Variants in AGBL4 observed in about 807,000 individuals in gnomAD.
AGBL4 encodes the protein cytosolic carboxypeptidase 6.
In AGBL4, 58 loss-of-function variants were observed where a neutral mutation model predicts 66.4. The ratio of observed to expected loss-of-function variants is 0.87; its 90% CI spans 0.71 to 1.09. AGBL4 has a LOEUF of 1.09. Among genes scored for constraint, AGBL4 ranks in the 50% least tolerant of loss-of-function variants. The pLI is 0.00. For missense variants in AGBL4, 579 were observed against 631.0 expected, an observed-to-expected ratio of 0.92 and a Z score of 0.88; for synonymous variants, 234 against 222.9, an observed-to-expected ratio of 1.05 and a Z score of -0.44.
chr1:49,792,804 A>G (rs1228782277), intron 2 of AGBL4, among the ~76,000 whole-genome samples: 1 of 152,050 alleles, frequency 6.6e-6, no homozygotes, highest in African/African-American at 2.4e-5. Context: ...TAAGAGGAAT[A>G]TAGTAGAAAT....
intron 5 of AGBL4, among the ~76,000 whole-genome samples, chr1:48,930,651 G>A (rs1266730326): frequency 6.6e-6 from 1 of 152,190 alleles, no homozygotes; most frequent in Non-Finnish European, 1.5e-5. Context: ...AGGATAAGGA[G>A]TTAGATGAGT....
At chr1:49,756,875 C>T (rs1446925626) in intron 2 of AGBL4, among the ~76,000 whole-genome samples, 1 of 152,092 alleles carries the variant, frequency 6.6e-6, no homozygotes, top group East Asian at 1.9e-4. Flanking sequence ...TTATAAATTA[C>T]CCAGTCTTGG....
intron 1 of AGBL4, among the ~76,000 whole-genome samples, chr1:49,923,706 GA>G (rs1219437323): frequency 2.6e-5 from 4 of 151,694 alleles, no homozygotes; most frequent in South Asian, 2.1e-4. Context: ...ACAATTATAT[GA>G]AAAAAAAGCT....
chr1:49,738,500 G>A (rs1314163946), intron 2 of AGBL4, among the ~76,000 whole-genome samples: 1 of 152,194 alleles, frequency 6.6e-6, no homozygotes, highest in Non-Finnish European at 1.5e-5. Flanking sequence ...CCAAACAAAA[G>A]GCAGCAGAAA....
At chr1:49,978,327 C>T (rs1166783288) in intron 1 of AGBL4, among the ~76,000 whole-genome samples, 3 of 152,042 alleles carry the variant, frequency 2.0e-5, no homozygotes, top group Admixed American at 2.0e-4. Flanking sequence ...ACTTGTAGTC[C>T]CAGCTACTTA....
intron 1 of AGBL4, among the ~76,000 whole-genome samples, chr1:49,874,120 G>A (rs1292015735): frequency 6.6e-6 from 1 of 151,782 alleles, no homozygotes; most frequent in Non-Finnish European, 1.5e-5. Context: ...TGAAAATAAT[G>A]TTTTTACTAC....
intron 3 of AGBL4, among the ~76,000 whole-genome samples, chr1:49,655,284 T>C (rs1167024160): frequency 6.6e-6 from 1 of 152,210 alleles, no homozygotes; most frequent in African/African-American, 2.4e-5. Flanking sequence ...TTCTGGCTTG[T>C]AGAGTTTCTG....
chr1:49,677,345 T>G lies in AGBL4; in HGVS notation c.282+19968A>C, dbSNP rs527826473. Among the ~76,000 whole-genome samples the G allele has an allele frequency of 3.3e-5, 5 of 152,286 alleles. No individual in the cohort carries two copies. In the East Asian group the frequency reaches 5.8e-4, roughly 18 times the overall value. On this transcript the variant is annotated intron_variant, in intron 3 of 13. Coordinates refer to ENST00000371839, the MANE Select transcript of AGBL4 (RefSeq NM_032785.4). ...TTGCCAATACTTTTTCTGCATCAAC[T>G]GATATGATCATGTGATTTTTTTCAT...
chr1:48,917,354 G>T (rs1557458956), intron 5 of AGBL4, among the ~76,000 whole-genome samples: 1 of 152,064 alleles, frequency 6.6e-6, no homozygotes, highest in African/African-American at 2.4e-5. Context: ...TGCTACCTAT[G>T]AGACAATAGA....
chr1:48,953,018 C>T (rs749584999), intron 5 of AGBL4, among the ~76,000 whole-genome samples: 10 of 152,022 alleles, frequency 6.6e-5, no homozygotes, highest in South Asian at 2.1e-4. Context: ...TGTTTCCGTG[C>T]GTGAAAATGG....
At chr1:49,250,726 C>A (rs1651989227) in intron 3 of AGBL4, among the ~76,000 whole-genome samples, 1 of 152,132 alleles carries the variant, frequency 6.6e-6, no homozygotes, top group African/African-American at 2.4e-5. Flanking sequence ...CAGGCGTGAG[C>A]CACTGTGGCT....
At position 48,545,080 on chromosome 1, in the gene AGBL4, GATGA is replaced by G. The variant is rs532124683; in HGVS notation, c.1268-5346_1268-5343del. On this transcript the variant is annotated intron_variant, in intron 11 of 13. Coordinates refer to ENST00000371839, the MANE Select transcript of AGBL4 (RefSeq NM_032785.4). ...TAGTTGATGAATAACATAGGGGTTG[GATGA>G]ATGAATGAATGAATGAGGAAGAGAG... 2.0e-5 allele frequency among the ~76,000 whole-genome samples: 3 copies of G among 152,244 alleles called. No individual in the cohort carries two copies. The South Asian group carries it at 6.2e-4, about 32-fold the overall frequency.
chr1:49,987,300 G>A (rs567371910), intron 1 of AGBL4, among the ~76,000 whole-genome samples: 1 of 152,088 alleles, frequency 6.6e-6, no homozygotes, highest in Admixed American at 6.5e-5. Context: ...AAGCCTTCTA[G>A]CCAAAGAGCT....
rs578131912 is a variant in AGBL4 at position 48,822,383 on chromosome 1, T to C, written c.634+44808A>G. The stretch of plus-strand genomic sequence containing the variant: ...CTATTGATACATGCAACAATCTGGA[T>C]GAATCTAAAAAATAATATATTGAGG... On this transcript the variant is annotated intron_variant, in intron 6 of 13. Coordinates refer to ENST00000371839, the MANE Select transcript of AGBL4 (RefSeq NM_032785.4). Among the ~76,000 whole-genome samples the C allele has an allele frequency of 1.9e-3, 285 of 152,310 alleles. 2 individuals are homozygous for C. Among genetic ancestry groups the C allele is most frequent in the Middle Eastern group, 3.4e-3 (1 of 294 alleles).
intron 6 of AGBL4, chr1:48,817,697 T>A: frequency 4.1e-6 from 1 of 246,006 alleles, no homozygotes; most frequent in Non-Finnish European, 7.8e-6. Flanking sequence ...AGGCTGGCTC[T>A]TTGCTGCCCC....
intron 2 of AGBL4, among the ~76,000 whole-genome samples, chr1:49,808,230 C>T (rs545331036): frequency 2.6e-5 from 4 of 152,152 alleles, no homozygotes; most frequent in Non-Finnish European, 5.9e-5. Context: ...CTTCCAATTG[C>T]TTCTATTTTC....
In AGBL4 at chr1:49,082,413, A is replaced by G. The variant is rs1644824453; in HGVS notation, c.378-36613T>C. Among the ~76,000 whole-genome samples the G allele has an allele frequency of 2.0e-5, 3 of 152,240 alleles. No homozygotes were observed. In the South Asian group the frequency reaches 6.2e-4, roughly 31 times the overall value. On this transcript the variant is annotated intron_variant, in intron 4 of 13. Transcript: ENST00000371839. ...AGGTTTAATGGACTCACCGTTCCACATGGCTGGGAAGGCCTCACAATCATG... is the reference window on the plus strand; with the variant it reads ...AGGTTTAATGGACTCACCGTTCCACGTGGCTGGGAAGGCCTCACAATCATG...
intron 4 of AGBL4, among the ~76,000 whole-genome samples, chr1:49,137,368 T>C (rs996941606): frequency 2.6e-5 from 4 of 152,078 alleles, no homozygotes; most frequent in African/African-American, 9.7e-5. Flanking sequence ...GATGTTGATG[T>C]GGAAGTGGAA....
chr1:49,926,305 G>T (rs189678080), intron 1 of AGBL4, among the ~76,000 whole-genome samples: 7 of 152,310 alleles, frequency 4.6e-5, no homozygotes, highest in Non-Finnish European at 8.8e-5. Flanking sequence ...GAGTCTGCAA[G>T]AACCAGATCA....
Sources: allele counts gnomAD v4.1 joint callset (sites outside exome capture counted in the v4.1 genomes callset), GRCh38; gene constraint gnomAD v4.1.1; transcripts MANE v1.5; gene names NCBI Gene and HGNC (gene_info 2026-07-23, HGNC 2026-07-21).